INPP4B: variants seen among roughly 807,000 people sequenced by gnomAD.
INPP4B encodes the protein inositol polyphosphate-4-phosphatase type II B, also known as inositol polyphosphate 4-phosphatase type II.
A neutral mutation model predicts 122.5 loss-of-function variants in INPP4B; 55 were observed. The observed-to-expected ratio is 0.45, with a 90% confidence interval of 0.36 to 0.56. INPP4B has a LOEUF of 0.56. INPP4B is among the 20% of genes least tolerant of loss of function. INPP4B has a pLI of 0.00. For missense variants in INPP4B, 1,000 were observed against 1,097.7 expected, an observed-to-expected ratio of 0.91 and a Z score of 1.26; for synonymous variants, 403 against 388.7, an observed-to-expected ratio of 1.04 and a Z score of -0.43.
chr4:142,403,193 T>G (rs938037470), intron 6 of INPP4B, 139 bp from the exon 7 acceptor site: 2 of 647,316 alleles, frequency 3.1e-6, no homozygotes, highest in Admixed American at 4.9e-5. Context: ...GAGATCTGAA[T>G]TGTCAAATCC....
At chr4:142,482,820 T>A (rs2149743860) in intron 2 of INPP4B, among the ~76,000 whole-genome samples, 1 of 152,250 alleles carries the variant, frequency 6.6e-6, no homozygotes, top group African/African-American at 2.4e-5. Flanking sequence ...AGCATATATT[T>A]ATTTGTGTGA....
intron 1 of INPP4B, among the ~76,000 whole-genome samples, chr4:142,730,620 T>G (rs1765947230): frequency 6.6e-6 from 1 of 152,250 alleles, no homozygotes; most frequent in African/African-American, 2.4e-5. Flanking sequence ...TGGACTCTGT[T>G]GATTTTATCG....
At chr4:142,129,990 A>G (rs554657925) in intron 18 of INPP4B, among the ~76,000 whole-genome samples, 16 of 152,336 alleles carry the variant, frequency 1.1e-4, no homozygotes, top group African/African-American at 2.9e-4. Context: ...GGTAAGAAGT[A>G]CAAAGGAATA....
At chr4:142,153,972 A>G (rs1321562554) in intron 17 of INPP4B, among the ~76,000 whole-genome samples, 1 of 152,186 alleles carries the variant, frequency 6.6e-6, no homozygotes, top group African/African-American at 2.4e-5. Context: ...TTAATATTGG[A>G]TAAGTATTCA....
At chr4:142,051,548 G>A (rs1484999263) in intron 25 of INPP4B, among the ~76,000 whole-genome samples, 1 of 151,834 alleles carries the variant, frequency 6.6e-6, no homozygotes, top group South Asian at 2.1e-4. Flanking sequence ...TCACTTTACT[G>A]TAAATACATA....
chr4:142,436,232 T>C (rs2149406389), intron 3 of INPP4B, among the ~76,000 whole-genome samples: 1 of 152,254 alleles, frequency 6.6e-6, no homozygotes, highest in South Asian at 2.1e-4. Context: ...TCCAGCCAGG[T>C]GCTCAGGGAC....
intron 1 of INPP4B, among the ~76,000 whole-genome samples, chr4:142,822,230 C>A (rs1211208535): frequency 6.6e-6 from 1 of 152,312 alleles, no homozygotes; most frequent in East Asian, 1.9e-4. Flanking sequence ...TACTGTGCAG[C>A]ACTATGTCAA....
chr4:142,283,767 A>G (rs1363381568), intron 9 of INPP4B, among the ~76,000 whole-genome samples: 1 of 152,158 alleles, frequency 6.6e-6, no homozygotes, highest in Admixed American at 6.6e-5. Context: ...TGCATCGCAT[A>G]TAGGAATCAT....
rs181995859 is a variant in INPP4B, at chr4:142,081,701, G to A, written c.2642+330C>T. The stretch of plus-strand genomic sequence containing the variant: ...TTACAGTGTTATATATGAGATTTTC[G>A]GGGCCCCTTAACTTGAGCCAATGAG... On this transcript the variant is annotated intron_variant, in intron 25 of 25. Coordinates refer to ENST00000262992, the MANE Select transcript of INPP4B (RefSeq NM_001101669.3). 3.6e-3 allele frequency among the ~76,000 whole-genome samples: 547 copies of A among 151,934 alleles called. 4 individuals are homozygous for A. The highest frequency in any genetic ancestry group is 0.012 in the African/African-American group (512 of 41,436).
chr4:142,212,945 G>A (rs1845526207), intron 12 of INPP4B, among the ~76,000 whole-genome samples: 1 of 152,152 alleles, frequency 6.6e-6, no homozygotes. Flanking sequence ...TTTTCCTCAT[G>A]CTGGTGTTTT....
rs568106294 is a variant in INPP4B at position 142,730,814 on chromosome 4, A to G, written c.-253-4913T>C. Among the ~76,000 whole-genome samples the G allele has an allele frequency of 5.3e-5, 8 of 152,316 alleles. No individual in the cohort carries two copies. In the East Asian group the frequency reaches 1.5e-3, roughly 29 times the overall value. The stretch of plus-strand genomic sequence containing the variant: ...AATGATCAGCATATATGGAGAAGGT[A>G]CCTGTTAAGTGCAGACACAATTGCT... On this transcript the variant is annotated intron_variant, in intron 1 of 25. Transcript: ENST00000262992.
intron 17 of INPP4B, among the ~76,000 whole-genome samples, chr4:142,146,752 G>T (rs1810979574): frequency 6.6e-6 from 1 of 152,104 alleles, no homozygotes; most frequent in Non-Finnish European, 1.5e-5. Flanking sequence ...TTGACAAATT[G>T]CTCAGATACT....
chr4:142,137,924 A>T (rs1055482430), intron 18 of INPP4B, among the ~76,000 whole-genome samples: 43 of 152,174 alleles, frequency 2.8e-4, no homozygotes, highest in African/African-American at 4.6e-4. Context: ...AGGAACACTT[A>T]TACACTGTTG....
At chr4:142,560,772 C>A (rs1401807978) in intron 2 of INPP4B, 1 of 152,238 alleles carries the variant, frequency 6.6e-6, no homozygotes. Flanking sequence ...TTAGACGGTG[C>A]CTACCCAGAT....
At chr4:142,319,581 T>G (rs189999077) in intron 7 of INPP4B, among the ~76,000 whole-genome samples, 1 of 152,310 alleles carries the variant, frequency 6.6e-6, no homozygotes, top group East Asian at 1.9e-4. Flanking sequence ...TGATCCCAGG[T>G]GCAGCCATGT....
chr4:142,357,000 G>T (rs777215460), intron 7 of INPP4B, among the ~76,000 whole-genome samples: 1 of 151,914 alleles, frequency 6.6e-6, no homozygotes, highest in Non-Finnish European at 1.5e-5. Flanking sequence ...GCCAAGAGGG[G>T]GCACACCCCA....
intron 5 of INPP4B, among the ~76,000 whole-genome samples, chr4:142,408,403 A>C (rs964948826): frequency 1.3e-5 from 2 of 152,048 alleles, no homozygotes; most frequent in African/African-American, 4.8e-5. Flanking sequence ...AAATACAAAA[A>C]TTAGCTGGGC....
chr4:142,058,588 C>A (rs757031769), intron 25 of INPP4B, among the ~76,000 whole-genome samples: 7 of 152,106 alleles, frequency 4.6e-5, no homozygotes, highest in Non-Finnish European at 1.0e-4. Flanking sequence ...ATACCACTCT[C>A]ATATACCATT....
At chr4:142,112,037 A>G in intron 22 of INPP4B, among the ~76,000 whole-genome samples, 1 of 149,262 alleles carries the variant, frequency 6.7e-6, no homozygotes, top group East Asian at 2.0e-4. Context: ...AGCCACCACG[A>G]CCAGCAAAAA....
Sources: allele counts gnomAD v4.1 joint callset (sites outside exome capture counted in the v4.1 genomes callset), GRCh38; gene constraint gnomAD v4.1.1; transcripts MANE v1.5; gene names NCBI Gene and HGNC (gene_info 2026-07-23, HGNC 2026-07-21).